Variants in CCSER1 observed in about 807,000 individuals in gnomAD.
The protein encoded by CCSER1 is serine-rich coiled-coil domain-containing protein 1.
CCSER1 carries 41 observed loss-of-function variants against 82.0 expected under a neutral mutation model. The observed-to-expected ratio is 0.50, with a 90% CI of 0.39 to 0.65. CCSER1 has a LOEUF of 0.65. CCSER1 is among the 30% of genes least tolerant of loss of function. The pLI, the probability that CCSER1 is intolerant of heterozygous loss-of-function variation, is 0.00. For missense variants in CCSER1, 1,119 were observed against 1,064.2 expected (o/e 1.05, Z -0.72); for synonymous variants, 414 against 383.9 (o/e 1.08, Z -0.92).
At chr4:90,360,469 G>C (rs1185275797) in intron 3 of CCSER1, among the ~76,000 whole-genome samples, 1 of 150,978 alleles carries the variant, frequency 6.6e-6, no homozygotes, top group African/African-American at 2.4e-5. Context: ...GAGACTGCTC[G>C]GGAGGCTGAG....
chr4:90,672,999 G>A (rs1025072204), intron 6 of CCSER1, among the ~76,000 whole-genome samples: 12 of 151,760 alleles, frequency 7.9e-5, no homozygotes, highest in East Asian at 1.9e-4. Context: ...ACGTATCATC[G>A]TAACAGATAT....
intron 1 of CCSER1, among the ~76,000 whole-genome samples, chr4:90,256,929 TG>T (rs1300645249): frequency 1.3e-5 from 2 of 152,110 alleles, no homozygotes; most frequent in Admixed American, 1.3e-4. Flanking sequence ...TTAATCTCAT[TG>T]TTTTTCATTT....
At chr4:90,673,867 A>G (rs1373294241) in intron 6 of CCSER1, among the ~76,000 whole-genome samples, 1 of 152,056 alleles carries the variant, frequency 6.6e-6, no homozygotes, top group Non-Finnish European at 1.5e-5. Flanking sequence ...GGCATAGTTC[A>G]TTATAAATTT....
intron 10 of CCSER1, among the ~76,000 whole-genome samples, chr4:91,354,353 A>G (rs906191516): frequency 5.9e-5 from 9 of 152,242 alleles, no homozygotes; most frequent in African/African-American, 1.9e-4. Context: ...AAGAAGAAAG[A>G]TGGCTTAATG....
At chr4:91,567,959 A>T (rs1213317415) in intron 10 of CCSER1, among the ~76,000 whole-genome samples, 1 of 151,934 alleles carries the variant, frequency 6.6e-6, no homozygotes, top group African/African-American at 2.4e-5. Flanking sequence ...TTACAGTGAC[A>T]CTGGTCTCTG....
intron 5 of CCSER1, among the ~76,000 whole-genome samples, chr4:90,600,331 C>T (rs1415576487): frequency 1.3e-5 from 2 of 152,068 alleles, no homozygotes; most frequent in African/African-American, 2.4e-5. Context: ...ATGAGATTTC[C>T]TACCCAAAAC....
intron 6 of CCSER1, among the ~76,000 whole-genome samples, chr4:90,673,124 G>A (rs1479927088): frequency 1.3e-5 from 2 of 151,844 alleles, no homozygotes; most frequent in African/African-American, 4.8e-5. Context: ...CTGGAAACAG[G>A]GTTGCCACAA....
At chr4:91,167,176 A>G (rs551853182) in intron 10 of CCSER1, among the ~76,000 whole-genome samples, 1 of 143,952 alleles carries the variant, frequency 6.9e-6, no homozygotes, top group South Asian at 2.2e-4. Context: ...CATGACAAGA[A>G]TTGCAATACT....
intron 7 of CCSER1, among the ~76,000 whole-genome samples, chr4:90,797,142 C>A (rs567458894): frequency 3.3e-5 from 5 of 152,252 alleles, no homozygotes; most frequent in African/African-American, 1.2e-4. Flanking sequence ...TCTCCAATAA[C>A]TTGATTTATG....
chr4:91,115,235 C>T (rs1447123341), intron 10 of CCSER1, among the ~76,000 whole-genome samples: 1 of 152,182 alleles, frequency 6.6e-6, no homozygotes, highest in Non-Finnish European at 1.5e-5. Context: ...GAGTTTTCAA[C>T]TAAGTGAGAT....
chr4:90,437,740 G>A (rs1015335458), intron 4 of CCSER1, among the ~76,000 whole-genome samples: 2 of 152,100 alleles, frequency 1.3e-5, no homozygotes, highest in African/African-American at 4.8e-5. Flanking sequence ...TAGTTCCAAT[G>A]TACTAATATG....
intron 10 of CCSER1, among the ~76,000 whole-genome samples, chr4:91,136,580 G>A (rs28465261): frequency 0.73 from 110,817 of 151,948 alleles, 40,665 homozygotes; most frequent in Non-Finnish European, 0.78. Flanking sequence ...CCCCAACATT[G>A]GGAGAATTCT....
At chr4:90,596,565 C>T (rs1344244852) in intron 5 of CCSER1, among the ~76,000 whole-genome samples, 5 of 151,798 alleles carry the variant, frequency 3.3e-5, no homozygotes, top group African/African-American at 1.2e-4. Flanking sequence ...GTTCAATAAA[C>T]TAGCTTAGGT....
chr4:90,799,417 T>C (rs970621515), intron 7 of CCSER1, among the ~76,000 whole-genome samples: 4 of 152,056 alleles, frequency 2.6e-5, no homozygotes, highest in South Asian at 2.1e-4. Context: ...AGCCAAGTGA[T>C]GTGGGACCCT....
At chr4:90,974,734 G>A (rs1735451608) in intron 9 of CCSER1, among the ~76,000 whole-genome samples, 1 of 151,252 alleles carries the variant, frequency 6.6e-6, no homozygotes, top group African/African-American at 2.4e-5. Flanking sequence ...ACTTTTGGCA[G>A]GTATGTGGAG....
intron 5 of CCSER1, among the ~76,000 whole-genome samples, chr4:90,543,374 G>T (rs963131343): frequency 6.6e-6 from 1 of 152,106 alleles, no homozygotes; most frequent in African/African-American, 2.4e-5. Flanking sequence ...ATGCAGGTGG[G>T]CCCTAAATCC....
chr4:90,614,659 G>C (rs1226223819), intron 5 of CCSER1, among the ~76,000 whole-genome samples: 2 of 152,114 alleles, frequency 1.3e-5, no homozygotes, highest in Admixed American at 6.6e-5. Flanking sequence ...TTTTATGAAG[G>C]CTGAGAGAGG....
At chr4:91,070,010 A>G (rs1721259787) in intron 9 of CCSER1, among the ~76,000 whole-genome samples, 1 of 149,164 alleles carries the variant, frequency 6.7e-6, no homozygotes, top group South Asian at 2.1e-4. Flanking sequence ...TCCAAGAAAT[A>G]GTCTTGCTCT....
At chr4:91,145,610 T>G (rs574759643) in intron 10 of CCSER1, among the ~76,000 whole-genome samples, 1 of 152,296 alleles carries the variant, frequency 6.6e-6, no homozygotes, top group East Asian at 1.9e-4. Flanking sequence ...TTTCTATCTT[T>G]AAATCTCTCT....
Sources: gnomAD v4.1 joint callset for allele counts (sites outside exome capture counted in the v4.1 genomes callset) on GRCh38, gnomAD v4.1.1 for gene constraint, MANE v1.5 for transcripts, NCBI Gene and HGNC (gene_info 2026-07-23, HGNC 2026-07-21) for gene names.